CCDC138: variants seen among roughly 807,000 people sequenced by gnomAD.
The protein encoded by CCDC138 is coiled-coil domain containing 138, also known as coiled-coil domain-containing protein 138.
Under a neutral mutation model 82.3 loss-of-function variants are expected in CCDC138, and 66 were observed. The ratio of observed to expected loss-of-function variants is 0.80; its 90% CI spans 0.66 to 0.98. CCDC138 has a LOEUF of 0.98. Among genes scored for constraint, CCDC138 ranks in the 50% least tolerant of loss-of-function variants. CCDC138 has a pLI of 0.00. For synonymous variants in CCDC138, 297 were observed against 265.4 expected (o/e 1.12, Z -1.16); for missense variants, 816 against 758.9 (o/e 1.08, Z -0.88).
intron 6 of CCDC138, among the ~76,000 whole-genome samples, chr2:108,803,591 C>T (rs1306343128): frequency 6.6e-6 from 1 of 152,124 alleles, no homozygotes; most frequent in Admixed American, 6.6e-5. Context: ...AGATGTGCAC[C>T]ACTGTGCCCA....
intron 10 of CCDC138, among the ~76,000 whole-genome samples, chr2:108,824,251 ACT>A (rs1425957824): frequency 1.1e-4 from 17 of 151,986 alleles, no homozygotes; most frequent in Non-Finnish European, 1.5e-4. Context: ...TAACTTTTTG[ACT>A]CTGTAATATT....
At chr2:108,845,911 A>G (rs1690380571) in intron 11 of CCDC138, among the ~76,000 whole-genome samples, 1 of 152,152 alleles carries the variant, frequency 6.6e-6, no homozygotes, top group African/African-American at 2.4e-5. Flanking sequence ...CCATTAGATC[A>G]TATATTATTT....
intron 10 of CCDC138, among the ~76,000 whole-genome samples, chr2:108,831,708 C>CCTTCCTTCCTTT (rs1687676309): frequency 6.9e-6 from 1 of 145,728 alleles, no homozygotes; most frequent in Admixed American, 6.8e-5. Context: ...AATCTTCCTT[C>CCTTCCTTCCTTT]CTTCCTTCCT....
intron 11 of CCDC138, among the ~76,000 whole-genome samples, chr2:108,845,761 T>C (rs999285602): frequency 1.3e-5 from 2 of 152,024 alleles, no homozygotes; most frequent in East Asian, 3.9e-4. Context: ...TTAGTAGAGA[T>C]GGGGTTTCAC....
chr2:108,812,884 A>G lies in CCDC138; in HGVS notation c.998A>G (p.Lys333Arg), dbSNP rs1684118047. 1.9e-6 allele frequency: 3 copies of G among 1,613,686 alleles called. No homozygotes were observed. Among genetic ancestry groups the G allele is most frequent in the South Asian group, 2.2e-5 (2 of 91,058 alleles). ...KGSSHAVHEMKSLKQEKAPVS... is the reference protein window; with the variant it reads ...KGSSHAVHEMRSLKQEKAPVS... Reference sequence around the variant, plus strand: ...AGTTCCCATGCTGTTCATGAAATGAAAAGTTTAAAACAAGAAAAAGCACCA... The same window carrying G: ...AGTTCCCATGCTGTTCATGAAATGAGAAGTTTAAAACAAGAAAAAGCACCA... The change falls in exon 9 of 15, where the codon AAA becomes AGA. Residue 333 changes from lysine to arginine, a missense_variant. Coordinates refer to ENST00000295124, the MANE Select transcript of CCDC138 (RefSeq NM_144978.3).
chr2:108,859,928 C>T (rs1693280838), intron 13 of CCDC138, among the ~76,000 whole-genome samples: 1 of 151,916 alleles, frequency 6.6e-6, no homozygotes, highest in Non-Finnish European at 1.5e-5. Flanking sequence ...TTCTTCCAAT[C>T]CTTGAGCATG....
chr2:108,875,850 C>T (rs1055080960), intron 14 of CCDC138, among the ~76,000 whole-genome samples: 1 of 152,098 alleles, frequency 6.6e-6, no homozygotes, highest in Admixed American at 6.5e-5. Context: ...AGAATAAGAC[C>T]TTATCTCAAA....
chr2:108,787,360 CT>C, intron 1 of CCDC138, among the ~76,000 whole-genome samples: 1 of 152,352 alleles, frequency 6.6e-6, no homozygotes, highest in South Asian at 2.1e-4. Context: ...CATTCGTTCT[CT>C]CCCCTTCCCT....
At chr2:108,861,294 G>C (rs1049437950) in intron 13 of CCDC138, among the ~76,000 whole-genome samples, 2 of 151,100 alleles carry the variant, frequency 1.3e-5, no homozygotes, top group Admixed American at 6.6e-5. Context: ...TCATTTCGTC[G>C]ATCCTTATAT....
intron 1 of CCDC138, chr2:108,882,280 A>G (rs1016752149): frequency 6.6e-6 from 1 of 152,214 alleles, no homozygotes; most frequent in African/African-American, 2.4e-5. Context: ...TTTTGGAGAA[A>G]ATGGTTCCAA....
chr2:108,802,420 GCTCT>G (rs1435535097), intron 6 of CCDC138, among the ~76,000 whole-genome samples: 2 of 141,446 alleles, frequency 1.4e-5, no homozygotes, highest in Admixed American at 7.0e-5. Flanking sequence ...TCATGATGTG[GCTCT>G]CTGTTTGTCT....
chr2:108,796,332 G>A (rs1274531629), intron 5 of CCDC138, among the ~76,000 whole-genome samples: 1 of 152,142 alleles, frequency 6.6e-6, no homozygotes, highest in Non-Finnish European at 1.5e-5. Flanking sequence ...GGGATTACAG[G>A]CGTGAGCCAC....
At chr2:108,825,055 G>T (rs1686327428) in intron 10 of CCDC138, among the ~76,000 whole-genome samples, 1 of 152,156 alleles carries the variant, frequency 6.6e-6, no homozygotes, top group African/African-American at 2.4e-5. Context: ...AAGTATTCCT[G>T]CCAGAAAACA....
intron 7 of CCDC138, among the ~76,000 whole-genome samples, chr2:108,809,447 GTT>G (rs766122570): frequency 1.7e-4 from 18 of 104,856 alleles, no homozygotes; most frequent in Admixed American, 4.0e-4. Flanking sequence ...AACATGAAAT[GTT>G]GTGTGTGTGT....
intron 12 of CCDC138, among the ~76,000 whole-genome samples, chr2:108,847,614 G>A (rs894483082): frequency 6.6e-6 from 1 of 152,146 alleles, no homozygotes; most frequent in Non-Finnish European, 1.5e-5. Context: ...GCTATAACAG[G>A]TTATATTATT....
chr2:108,815,461 G>GTTTTTTTTTTTTTTTTTT (rs35206784), intron 9 of CCDC138, among the ~76,000 whole-genome samples: 1 of 70,700 alleles, frequency 1.4e-5, no homozygotes, highest in Non-Finnish European at 2.5e-5. Flanking sequence ...GGTTTTTGGT[G>GTTTTTTTTTTTTTTTTTT]TTTTTTTTTT....
chr2:108,827,371 G>T (rs1686789413), intron 10 of CCDC138, among the ~76,000 whole-genome samples: 1 of 152,036 alleles, frequency 6.6e-6, no homozygotes, highest in Non-Finnish European at 1.5e-5. Flanking sequence ...ATAAATAAAA[G>T]AGAAAATGTG....
intron 13 of CCDC138, among the ~76,000 whole-genome samples, chr2:108,866,283 T>C (rs1694401030): frequency 6.6e-6 from 1 of 152,208 alleles, no homozygotes; most frequent in Non-Finnish European, 1.5e-5. Context: ...AGTTAGACCC[T>C]GTGAAGTGAT....
intron 12 of CCDC138, among the ~76,000 whole-genome samples, chr2:108,848,000 C>G (rs1690776619): frequency 6.6e-6 from 1 of 151,950 alleles, no homozygotes; most frequent in South Asian, 2.1e-4. Flanking sequence ...AAAAAAAATA[C>G]ACACACGCTT....
Sources: gnomAD v4.1 joint callset for allele counts (sites outside exome capture counted in the v4.1 genomes callset) on GRCh38, gnomAD v4.1.1 for gene constraint, MANE v1.5 for transcripts, NCBI Gene and HGNC (gene_info 2026-07-23, HGNC 2026-07-21) for gene names.